The following PDE10A variants were observed in gnomAD, a reference collection of about 807,000 sequenced individuals.
PDE10A encodes the protein cAMP and cAMP-inhibited cGMP 3',5'-cyclic phosphodiesterase 10A.
In PDE10A, 39 loss-of-function variants were observed where a neutral mutation model predicts 97.7. The observed-to-expected ratio is 0.40, with a 90% CI of 0.31 to 0.52. The LOEUF (loss-of-function observed/expected upper bound fraction) is 0.52. PDE10A is among the 20% of genes least tolerant of loss of function. The probability of loss-of-function intolerance (pLI) is 0.56; values close to 1 mark genes in which losing one functional copy is unlikely to be tolerated. For synonymous variants in PDE10A, 371 were observed against 376.8 expected, an observed-to-expected ratio of 0.98 and a Z score of 0.18; for missense variants, 731 against 1,047.8, an observed-to-expected ratio of 0.70 and a Z score of 4.17.
intron 2 of PDE10A, among the ~76,000 whole-genome samples, chr6:165,534,939 C>G (rs538576241): frequency 6.6e-6 from 1 of 151,988 alleles, no homozygotes; most frequent in African/African-American, 2.4e-5. Flanking sequence ...GAAGTCCCAG[C>G]CAGAGCAATT....
intron 2 of PDE10A, among the ~76,000 whole-genome samples, chr6:165,510,113 T>C (rs1163783499): frequency 1.3e-5 from 2 of 152,074 alleles, no homozygotes; most frequent in African/African-American, 4.8e-5. Flanking sequence ...CAGTAGTATG[T>C]TGAATAGGAG....
intron 2 of PDE10A, among the ~76,000 whole-genome samples, chr6:165,490,893 C>T (rs1214644555): frequency 3.3e-5 from 5 of 151,960 alleles, no homozygotes; most frequent in African/African-American, 9.7e-5. Context: ...AAGTAGAGGC[C>T]GCAGTGAGCC....
intron 1 of PDE10A, among the ~76,000 whole-genome samples, chr6:165,860,014 T>C (rs1583200855): frequency 6.6e-6 from 1 of 152,124 alleles, no homozygotes; most frequent in African/African-American, 2.4e-5. Flanking sequence ...ATAAGAACGA[T>C]GCAATGGACT....
chr6:165,341,595 C>T (rs1000029650), intron 19 of PDE10A, among the ~76,000 whole-genome samples: 14 of 152,076 alleles, frequency 9.2e-5, no homozygotes, highest in African/African-American at 1.9e-4. Context: ...TTTTTTGCAA[C>T]GATCCTTACA....
In PDE10A at chr6:165,810,872, T is replaced by A. The variant is rs572192747; in HGVS notation, c.-615+176657A>T. ...TTCCTAACACCACTTTGGGAACTGC[T>A]ACTAGATTAATCTTTCTAAGGTGTT... On this transcript the variant is annotated intron_variant, in intron 1 of 19. Coordinates refer to the PDE10A transcript ENST00000366882. Among the ~76,000 whole-genome samples the A allele has an allele frequency of 1.4e-3, 214 of 152,318 alleles. 1 individual carries two copies. The highest frequency in any genetic ancestry group is 5.0e-3 in the African/African-American group (207 of 41,572).
Position 165,482,186 on chromosome 6 carries a change from AC to A in PDE10A, c.1023+128del, listed in dbSNP as rs1779643775. On this transcript the variant is annotated intron_variant, in intron 3 of 21. Coordinates refer to ENST00000539869, the MANE Select transcript of PDE10A (RefSeq NM_001385079.1). ...ACTTTATTCCATATTAATGAGTGATACTTTGGAGAGGAAACTCAGTTTTTGC... is the reference window on the plus strand; with the variant it reads ...ACTTTATTCCATATTAATGAGTGATATTTGGAGAGGAAACTCAGTTTTTGC... The A allele has an allele frequency of 4.0e-6, 3 of 743,720 alleles. No homozygotes were observed. The Admixed American group carries it at 5.6e-5, about 14-fold the overall frequency. The allele number at this position is 743,720 out of a possible 1,614,324, so 46.1% of individuals were successfully genotyped here.
chr6:165,947,356 T>C (rs1272035701), intron 1 of PDE10A: 1 of 152,256 alleles, frequency 6.6e-6, no homozygotes, highest in African/African-American at 2.4e-5. Context: ...GTTAAGAGAT[T>C]GATCATATAA....
At chr6:165,869,673 A>C (rs1781146800) in intron 1 of PDE10A, among the ~76,000 whole-genome samples, 2 of 152,224 alleles carry the variant, frequency 1.3e-5, no homozygotes, top group Admixed American at 1.3e-4. Context: ...AGCTGAAAGC[A>C]TCATACTACC....
intron 1 of PDE10A, among the ~76,000 whole-genome samples, chr6:165,756,433 C>T (rs995839761): frequency 3.3e-5 from 5 of 152,170 alleles, no homozygotes; most frequent in African/African-American, 1.2e-4. Flanking sequence ...ACCACTGTTA[C>T]TATTTTCTTT....
At chr6:165,512,800 G>A (rs1391668299) in intron 2 of PDE10A, among the ~76,000 whole-genome samples, 2 of 151,988 alleles carry the variant, frequency 1.3e-5, no homozygotes, top group African/African-American at 4.8e-5. Flanking sequence ...TTTCCCAAAA[G>A]TAATGTATAA....
At chr6:165,628,231 G>C (rs375360465) in intron 1 of PDE10A, among the ~76,000 whole-genome samples, 63 of 152,288 alleles carry the variant, frequency 4.1e-4, no homozygotes, top group African/African-American at 1.5e-3. Context: ...ATATTCAATG[G>C]AGATAATAGT....
At position 165,401,868 on chromosome 6, in the gene PDE10A, T is replaced by C. The variant is rs549822792; in HGVS notation, c.2077-5409A>G. On this transcript the variant is annotated intron_variant, in intron 13 of 21. Transcript: ENST00000539869. ...ACATATCAAGACCCAAGTTTTCACA[T>C]TGTCCTCATATACCTTAATGGAATG... 5.9e-5 allele frequency among the ~76,000 whole-genome samples: 9 copies of C among 152,344 alleles called. 1 individual carries two copies. The South Asian group carries it at 1.4e-3, about 25-fold the overall frequency.
chr6:165,519,057 G>A (rs1198369901), intron 2 of PDE10A, among the ~76,000 whole-genome samples: 1 of 152,166 alleles, frequency 6.6e-6, no homozygotes, highest in East Asian at 1.9e-4. Flanking sequence ...GTACATTTCT[G>A]TAATCTGTCA....
intron 1 of PDE10A, among the ~76,000 whole-genome samples, chr6:165,712,381 G>A (rs1372445363): frequency 2.0e-5 from 3 of 152,154 alleles, no homozygotes; most frequent in Non-Finnish European, 2.9e-5. Context: ...CATGTGCTGT[G>A]GGGCTCGTCT....
chr6:165,752,364 A>G (rs555791056), intron 1 of PDE10A, among the ~76,000 whole-genome samples: 3 of 152,126 alleles, frequency 2.0e-5, no homozygotes, highest in Non-Finnish European at 4.4e-5. Context: ...CCCATTCTGC[A>G]TCAAAGTGAG....
At chr6:165,641,871 C>T (rs546845355) in intron 1 of PDE10A, among the ~76,000 whole-genome samples, 12 of 152,344 alleles carry the variant, frequency 7.9e-5, no homozygotes, top group African/African-American at 2.6e-4. Flanking sequence ...AGCGGTGTTT[C>T]GGTTCATCTC....
At chr6:165,581,146 C>T (rs1785595077) in intron 1 of PDE10A, among the ~76,000 whole-genome samples, 1 of 152,184 alleles carries the variant, frequency 6.6e-6, no homozygotes, top group Admixed American at 6.5e-5. Flanking sequence ...CTTTACCACT[C>T]ATAAAAATAT....
rs143928905 is a variant in PDE10A, at chr6:165,680,081, C to T, written c.-614-136513G>A. ...GTACTGTGGGGTACCCATGTGGGTG[C>T]TACTGGGTATTTTTAGGTACACCAT... is the stretch of plus-strand genomic sequence containing the variant. On this transcript the variant is annotated intron_variant, in intron 1 of 19. Coordinates refer to the PDE10A transcript ENST00000366882. Among the ~76,000 whole-genome samples the T allele has an allele frequency of 5.9e-5, 9 of 152,038 alleles. No individual in the cohort carries two copies. In the East Asian group the frequency reaches 1.7e-3, roughly 30 times the overall value.
At chr6:165,356,477 C>G (rs1010055749) in intron 18 of PDE10A, among the ~76,000 whole-genome samples, 1 of 152,066 alleles carries the variant, frequency 6.6e-6, no homozygotes, top group Non-Finnish European at 1.5e-5. Context: ...AGAATATTTT[C>G]TCACATTATG....
Sources: allele counts gnomAD v4.1 joint callset (sites outside exome capture counted in the v4.1 genomes callset), GRCh38; gene constraint gnomAD v4.1.1; transcripts MANE v1.5; gene names NCBI Gene and HGNC (gene_info 2026-07-23, HGNC 2026-07-21).